MAPT: variants seen among roughly 807,000 people sequenced by gnomAD.
MAPT encodes the protein microtubule associated protein tau.
MAPT carries 34 observed loss-of-function variants against 67.9 expected under a neutral mutation model. The observed-to-expected ratio is 0.50, with a 90% confidence interval of 0.38 to 0.67. The LOEUF (loss-of-function observed/expected upper bound fraction) is 0.67, where lower values mean the gene tolerates loss of function less well. MAPT is among the 30% of genes least tolerant of loss of function. The probability of loss-of-function intolerance (pLI) is 0.00; values close to 1 mark genes in which losing one functional copy is unlikely to be tolerated. For synonymous variants in MAPT, 456 were observed against 464.5 expected, an observed-to-expected ratio of 0.98 and a Z score of 0.23; for missense variants, 881 against 1,115.2, an observed-to-expected ratio of 0.79 and a Z score of 2.99.
intron 1 of MAPT, among the ~76,000 whole-genome samples, chr17:45,930,724 C>T (rs1470044175): frequency 6.6e-6 from 1 of 152,190 alleles, no homozygotes; most frequent in Admixed American, 6.5e-5. Context: ...TGACACCTGC[C>T]TGTCATCCCC....
rs201157234 is a variant in MAPT at position 45,996,481 on chromosome 17, G to T, written c.1815G>T (p.Pro605=). 1.2e-6 allele frequency: 2 copies of T among 1,613,032 alleles called. No individual in the cohort carries two copies. The highest frequency in any genetic ancestry group is 2.7e-5 in the African/African-American group (2 of 74,862). The change falls in exon 9 of 13, where the codon CCG becomes CCT. Residue 605 remains proline, a synonymous_variant. Transcript: ENST00000262410. The surrounding 1 kb of genome is among the most constrained non-coding windows in gnomAD (Gnocchi z 4.5). ...PGTPGSRSRT[P]SLPTPPTREP... is the part of the protein sequence containing the mutation. ...CTCCCGGCAGCCGCTCCCGCACCCC[G>T]TCCCTTCCAACCCCACCCACCCGGG...
chr17:45,971,914 C>T lies in MAPT; in HGVS notation c.189C>T (p.Thr63=). 6.2e-7 allele frequency: 1 copy of T among 1,614,132 alleles called. No homozygotes were observed. The highest frequency in any genetic ancestry group is 8.5e-7 in the Non-Finnish European group (1 of 1,180,026). Residue 63 remains threonine, a synonymous_variant, in exon 3 of 13, where the codon ACC becomes ACT. Coordinates refer to ENST00000262410, the MANE Select transcript of MAPT (RefSeq NM_001377265.1). This position sits in a 1 kb window ranked among gnomAD's most constrained non-coding sequence, Gnocchi z 4.3. ...EDGSEEPGSE[T]SDAKSTPTAE... is the part of the protein sequence containing the mutation. The stretch of plus-strand genomic sequence containing the variant: ...GATCTGAGGAACCGGGCTCTGAAAC[C>T]TCTGATGCTAAGAGCACTCCAACAG...
At chr17:45,938,287 T>G (rs992322809) in intron 1 of MAPT, among the ~76,000 whole-genome samples, 4 of 152,236 alleles carry the variant, frequency 2.6e-5, no homozygotes, top group African/African-American at 9.6e-5. Context: ...TTTTTCCAGC[T>G]TCTAAAGGTT....
At position 45,972,214 on chromosome 17, in the gene MAPT, C is replaced by T. The variant is rs1328802266; in HGVS notation, c.220+269C>T. ...CAGCTCCACAAAGCCCCGCTCCATA[C>T]GATTGTCCTCCCACACCCCCTTCAA... On this transcript the variant is annotated intron_variant, in intron 3 of 12. Coordinates refer to ENST00000262410, the MANE Select transcript of MAPT (RefSeq NM_001377265.1). The T allele has an allele frequency of 1.7e-5, 11 of 631,090 alleles. No homozygotes were observed. The Admixed American group carries it at 2.1e-4, about 12-fold the overall frequency. The allele number at this position is 631,090 out of a possible 1,614,324, so 39.1% of individuals were successfully genotyped here.
In MAPT at chr17:45,942,546, G is replaced by A. The variant is rs566328797; in HGVS notation, c.-17-19775G>A. On this transcript the variant is annotated intron_variant, in intron 1 of 12. Transcript: ENST00000262410. ...TGCTTCCCAGCATTGCTTCCCCGCT[G>A]GTGGACTCTGAATCTAGAACTAGCT... 3.3e-5 allele frequency among the ~76,000 whole-genome samples: 5 copies of A among 152,322 alleles called. No individual in the cohort carries two copies. The South Asian group carries it at 8.3e-4, about 25-fold the overall frequency.
Position 46,024,297 on chromosome 17 carries a change from A to C in MAPT, c.*126A>C. On this transcript the variant is annotated 3_prime_UTR_variant, in exon 13 of 13. Coordinates refer to ENST00000262410, the MANE Select transcript of MAPT (RefSeq NM_001377265.1). The stretch of plus-strand genomic sequence containing the variant: ...CTCCTCGCAGTTCGGTTAATTGGTT[A>C]ATCACTTAACCTGCTTTTGTCACTC... 1 of 873,624 alleles carries C rather than the reference A, an allele frequency of 1.1e-6. No individual in the cohort carries two copies. The highest frequency in any genetic ancestry group is 2.0e-5 in the Admixed American group (1 of 50,058). 54.1% of individuals were successfully genotyped at this position (873,624 alleles called of 1,614,324 possible).
rs751195328 is a variant in MAPT, at chr17:46,026,305, C to A, written c.*2134C>A. On this transcript the variant is annotated 3_prime_UTR_variant, in exon 13 of 13. Transcript: ENST00000262410. ...AGCTAAGGAGGCCGTTCAGCTGTGA[C>A]GAAGGCCTGAAGCACAGGATTAGGA... 6.5e-6 allele frequency: 1 copy of A among 152,728 alleles called. No homozygotes were observed. Among genetic ancestry groups the A allele is most frequent in the Non-Finnish European group, 1.5e-5 (1 of 68,082 alleles). The allele number at this position is 152,728 out of a possible 1,614,324, so 9.5% of individuals were successfully genotyped here. A position where few individuals can be genotyped will look rare whatever the true frequency, so the allele number is the denominator to read the frequency against.
chr17:45,955,226 C>T (rs1260739007), intron 1 of MAPT, among the ~76,000 whole-genome samples: 1 of 152,192 alleles, frequency 6.6e-6, no homozygotes. Flanking sequence ...CCCTATTTCC[C>T]AACCGTCCAA....
chr17:46,009,348 T>C (rs2075665795), intron 9 of MAPT, among the ~76,000 whole-genome samples: 2 of 152,206 alleles, frequency 1.3e-5, no homozygotes, highest in East Asian at 3.9e-4. Flanking sequence ...TAAACCATGG[T>C]TTTCTATTTC....
At chr17:45,991,633 G>A in intron 8 of MAPT, 47 bp downstream of exon 8, 1 of 1,613,882 alleles carries the variant, frequency 6.2e-7, no homozygotes, top group African/African-American at 1.3e-5. Flanking sequence ...GAAGCTCTCA[G>A]AGGTACAGCC....
chr17:45,985,015 A>G (rs2073391528), intron 5 of MAPT, among the ~76,000 whole-genome samples: 1 of 152,246 alleles, frequency 6.6e-6, no homozygotes, highest in African/African-American at 2.4e-5. Context: ...TTAAAAGTTA[A>G]GACAGAGGCT....
chr17:45,939,960 C>T (rs917697278), intron 1 of MAPT, among the ~76,000 whole-genome samples: 17 of 152,156 alleles, frequency 1.1e-4, no homozygotes, highest in African/African-American at 3.9e-4. Context: ...TTTTGCTCAT[C>T]GTTTGTGTAG....
intron 12 of MAPT, among the ~76,000 whole-genome samples, chr17:46,019,346 T>C (rs2076382206): frequency 6.6e-6 from 1 of 152,090 alleles, no homozygotes. Context: ...TTATGGGAGC[T>C]ACAATTCAAG....
At chr17:46,016,666 G>GCACA (rs2076202485) in intron 11 of MAPT, among the ~76,000 whole-genome samples, 1 of 152,160 alleles carries the variant, frequency 6.6e-6, no homozygotes, top group South Asian at 2.1e-4. Context: ...AACTACTTGG[G>GCACA]AGGCTGAGGC....
intron 1 of MAPT, among the ~76,000 whole-genome samples, chr17:45,959,905 A>G (rs965216822): frequency 6.6e-6 from 1 of 152,244 alleles, no homozygotes; most frequent in Non-Finnish European, 1.5e-5. Context: ...AATATGGTAC[A>G]TATGTGGAAA....
At chr17:45,976,177 G>A (rs2072327183) in intron 3 of MAPT, 2 of 152,410 alleles carry the variant, frequency 1.3e-5, no homozygotes, top group East Asian at 3.9e-4. Context: ...CAAACTGTGG[G>A]TGTGCAGACG....
chr17:45,941,665 CCCTTCCCCCCTTCCCTCCTTCCTT>C (rs2067912334), intron 1 of MAPT, among the ~76,000 whole-genome samples: 1 of 23,666 alleles, frequency 4.2e-5, no homozygotes, highest in African/African-American at 1.1e-4. Flanking sequence ...CACCCTTCCC[CCCTTCCCCCCTTCCCTCCTTCCTT>C]CCTTCCTTCC....
intron 1 of MAPT, among the ~76,000 whole-genome samples, chr17:45,909,203 C>T (rs1034392450): frequency 1.3e-4 from 20 of 151,142 alleles, no homozygotes; most frequent in South Asian, 6.4e-4. Context: ...ACCCTGTGCC[C>T]GGGGGACAGA....
intron 9 of MAPT, among the ~76,000 whole-genome samples, chr17:45,998,148 T>C (rs1024114938): frequency 1.3e-5 from 2 of 152,040 alleles, no homozygotes; most frequent in Non-Finnish European, 2.9e-5. Flanking sequence ...CTCCACACCA[T>C]TGAAGTTCTT....
Sources: allele counts gnomAD v4.1 joint callset (sites outside exome capture counted in the v4.1 genomes callset), GRCh38; gene constraint gnomAD v4.1.1; non-coding constraint Gnocchi (gnomAD v3.1); transcripts MANE v1.5; gene names NCBI Gene and HGNC (gene_info 2026-07-23, HGNC 2026-07-21).